The following ADAM18 variants were observed in gnomAD, a reference collection of about 807,000 sequenced individuals.
The protein encoded by ADAM18 is ADAM metallopeptidase domain 18, also known as disintegrin and metalloproteinase domain-containing protein 18.
In ADAM18, 117 loss-of-function variants were observed where a neutral mutation model predicts 94.4. The ratio of observed to expected loss-of-function variants is 1.24; its 90% CI spans 1.07 to 1.45. The LOEUF (loss-of-function observed/expected upper bound fraction) is 1.45. Ranked by LOEUF, ADAM18 falls within the 40% of genes most tolerant of loss-of-function variation. ADAM18 has a pLI of 0.00. For synonymous variants in ADAM18, 327 were observed against 291.6 expected (o/e 1.12, Z -1.24); for missense variants, 936 against 880.0 (o/e 1.06, Z -0.81).
At chr8:39,629,620 C>T (rs1195550771) in intron 7 of ADAM18, among the ~76,000 whole-genome samples, 181 bp downstream of exon 7, 13 of 150,232 alleles carry the variant, frequency 8.7e-5, no homozygotes. Context: ...CTTCCCTTTC[C>T]TTCCTCTACC....
intron 10 of ADAM18, 41 bp downstream of exon 10, chr8:39,638,587 C>G: frequency 8.1e-7 from 1 of 1,238,216 alleles, no homozygotes; most frequent in Admixed American, 2.4e-5. Flanking sequence ...TATTTTTAGG[C>G]CTTATATTAT....
At chr8:39,699,905 C>T (rs1390344335) in intron 17 of ADAM18, among the ~76,000 whole-genome samples, 1 of 152,108 alleles carries the variant, frequency 6.6e-6, no homozygotes, top group South Asian at 2.1e-4. Context: ...AAGTACACAA[C>T]CACCTGTGCA....
At chr8:39,674,676 TG>T (rs1166269535) in intron 14 of ADAM18, among the ~76,000 whole-genome samples, 8 of 152,228 alleles carry the variant, frequency 5.3e-5, no homozygotes, top group Non-Finnish European at 5.9e-5. Context: ...TGATGTTCAC[TG>T]GTTATTTTTC....
intron 19 of ADAM18, among the ~76,000 whole-genome samples, chr8:39,724,253 T>C (rs2129581894): frequency 6.6e-6 from 1 of 151,922 alleles, no homozygotes; most frequent in Non-Finnish European, 1.5e-5. Flanking sequence ...TTTGTTCTTG[T>C]AATCCGTTCA....
chr8:39,601,306 G>A (rs186288168), intron 2 of ADAM18, among the ~76,000 whole-genome samples: 41 of 152,340 alleles, frequency 2.7e-4, no homozygotes, highest in African/African-American at 8.9e-4. Context: ...TGTGGCAGGG[G>A]CCAGGTGGTG....
chr8:39,623,006 TTTTA>T (rs1819657560), intron 6 of ADAM18, among the ~76,000 whole-genome samples: 2 of 152,136 alleles, frequency 1.3e-5, no homozygotes, highest in African/African-American at 4.8e-5. Flanking sequence ...AATATGTGGC[TTTTA>T]ATCCCTCACT....
At chr8:39,707,864 A>G (rs974543335) in intron 18 of ADAM18, among the ~76,000 whole-genome samples, 2 of 152,156 alleles carry the variant, frequency 1.3e-5, no homozygotes, top group Non-Finnish European at 2.9e-5. Flanking sequence ...TAAGGAAAGA[A>G]TTTTTGGCTT....
chr8:39,639,256 C>T (rs1397191363), intron 10 of ADAM18, among the ~76,000 whole-genome samples: 1 of 151,940 alleles, frequency 6.6e-6, no homozygotes, highest in Non-Finnish European at 1.5e-5. Context: ...ACTTGTGAAT[C>T]ATGCGTCCTC....
In ADAM18 at chr8:39,723,752, C is replaced by G. The variant is rs1213485207; in HGVS notation, c.2022C>G (p.Asp674Glu). 6.7e-7 allele frequency: 1 copy of G among 1,497,410 alleles called. No individual in the cohort carries two copies. The highest frequency in any genetic ancestry group is 2.4e-5 in the Admixed American group (1 of 42,352). The allele number at this position is 1,497,410 out of a possible 1,614,324, so 92.8% of individuals were successfully genotyped here. The change falls in exon 19 of 20, where the codon GAC (aspartate) becomes GAG (glutamate). Residue 674 changes from aspartate (D) to glutamate (E), a missense_variant. Transcript: ENST00000265707. Reference sequence around the variant, plus strand: ...TATCATATGATTCATTTCTAGGTGACTTTTATACTGAAAAAGGCTACAATA... The same window carrying G: ...TATCATATGATTCATTTCTAGGTGAGTTTTATACTGAAAAAGGCTACAATA... The part of the protein sequence containing the change: ...IDDGNFQKSG[D>E]FYTEKGYNTH...
At chr8:39,634,025 G>T (rs940296748) in intron 7 of ADAM18, among the ~76,000 whole-genome samples, 1 of 152,146 alleles carries the variant, frequency 6.6e-6, no homozygotes, top group East Asian at 1.9e-4. Context: ...CAAGCCCAGA[G>T]TGCTGGGGAT....
intron 16 of ADAM18, among the ~76,000 whole-genome samples, chr8:39,681,138 G>C (rs1314378404): frequency 6.6e-6 from 1 of 152,200 alleles, no homozygotes; most frequent in Non-Finnish European, 1.5e-5. Context: ...CTAGAGACAA[G>C]AAAGAAGATG....
intron 15 of ADAM18, among the ~76,000 whole-genome samples, chr8:39,677,999 C>A (rs1563303080): frequency 6.6e-6 from 1 of 152,104 alleles, no homozygotes; most frequent in East Asian, 1.9e-4. Flanking sequence ...ACTATTGGGA[C>A]ATAGTGTTAC....
chr8:39,648,495 T>C lies in ADAM18; in HGVS notation c.1198T>C (p.Ser400Pro), dbSNP rs146631509. The change falls in exon 12 of 20, where the codon TCC (serine) becomes CCC (proline). Residue 400 changes from serine to proline, a missense_variant. By Grantham distance (74) the Ser-to-Pro change is moderately conservative. Coordinates refer to ENST00000265707, the MANE Select transcript of ADAM18 (RefSeq NM_014237.3). Reference protein sequence around the residue: ...QPVCGNGILESNEECDCGNKN... With the variant: ...QPVCGNGILEPNEECDCGNKN... The stretch of plus-strand genomic sequence containing the variant: ...AGTGTGTGGTAATGGGATTTTGGAA[T>C]CCAATGAAGAATGTGACTGTGGTAA... 4.4e-6 allele frequency: 7 copies of C among 1,609,142 alleles called. No individual in the cohort carries two copies. The highest frequency in any genetic ancestry group is 5.9e-6 in the Non-Finnish European group (7 of 1,178,194).
At chr8:39,644,639 T>G (rs1296213567) in intron 10 of ADAM18, among the ~76,000 whole-genome samples, 1 of 152,108 alleles carries the variant, frequency 6.6e-6, no homozygotes, top group African/African-American at 2.4e-5. Flanking sequence ...GTCCTGTCAT[T>G]TCTTCACTTT....
intron 15 of ADAM18, among the ~76,000 whole-genome samples, chr8:39,678,319 G>T (rs2129580493): frequency 6.6e-6 from 1 of 152,270 alleles, no homozygotes; most frequent in Middle Eastern, 3.4e-3. Context: ...TTATTAAGAT[G>T]AGAAATGGAT....
Position 39,631,354 on chromosome 8 carries a change from T to C in ADAM18, c.588+1915T>C, listed in dbSNP as rs1296721422. Among the ~76,000 whole-genome samples the C allele has an allele frequency of 3.3e-5, 5 of 152,014 alleles. No homozygotes were observed. In the East Asian group the frequency reaches 7.7e-4, roughly 23 times the overall value. On this transcript the variant is annotated intron_variant, in intron 7 of 19. Transcript: ENST00000265707. ...TTTAAAATAAGTTTTATGGTATATT[T>C]TTAATTGAGCAATGTGTACGCTGTG...
chr8:39,698,851 T>C lies in ADAM18; in HGVS notation c.1902+6171T>C, dbSNP rs138278091. Among the ~76,000 whole-genome samples, 409 of 152,192 alleles carry C rather than the reference T, an allele frequency of 2.7e-3. 5 individuals are homozygous for C. The highest frequency in any genetic ancestry group is 9.5e-3 in the African/African-American group (393 of 41,578). On this transcript the variant is annotated intron_variant, in intron 17 of 19. Coordinates refer to ENST00000265707, the MANE Select transcript of ADAM18 (RefSeq NM_014237.3). ...TTACACCATATTTCAATGGTGTAAG[T>C]ATCTAAATCTTTCACCTAAAAAACT...
intron 10 of ADAM18, among the ~76,000 whole-genome samples, chr8:39,643,107 T>C (rs1820279345): frequency 6.6e-6 from 1 of 152,174 alleles, no homozygotes; most frequent in South Asian, 2.1e-4. Flanking sequence ...TGTATAGGAA[T>C]ACCAGTGATT....
intron 5 of ADAM18, 91 bp from the exon 6 acceptor site, chr8:39,610,438 T>C: frequency 7.2e-7 from 1 of 1,386,140 alleles, no homozygotes; most frequent in East Asian, 2.6e-5. Context: ...AGTATAGTTT[T>C]TTAATTTCTT....
Sources: allele counts gnomAD v4.1 joint callset (sites outside exome capture counted in the v4.1 genomes callset), GRCh38; gene constraint gnomAD v4.1.1; transcripts MANE v1.5; gene names NCBI Gene and HGNC (gene_info 2026-07-23, HGNC 2026-07-21).